Variants in SLC26A7 observed in about 807,000 individuals in gnomAD.
SLC26A7 encodes the protein anion exchange transporter.
A neutral mutation model predicts 82.5 loss-of-function variants in SLC26A7; 59 were observed. The ratio of observed to expected loss-of-function variants is 0.72; its 90% CI spans 0.58 to 0.89. The LOEUF is 0.89. Among genes scored for constraint, SLC26A7 ranks in the 40% least tolerant of loss-of-function variants. The probability of loss-of-function intolerance (pLI) is 0.00; values close to 1 mark genes in which losing one functional copy is unlikely to be tolerated. For missense variants in SLC26A7, 820 were observed against 793.0 expected (o/e 1.03, Z -0.41); for synonymous variants, 271 against 274.3 (o/e 0.99, Z 0.12).
chr8:91,229,192 A>G (rs1810280104), intron 2 of SLC26A7, among the ~76,000 whole-genome samples: 1 of 152,140 alleles, frequency 6.6e-6, no homozygotes, highest in African/African-American at 2.4e-5. Flanking sequence ...TCATTTCCCC[A>G]CAACCTTTAG....
intron 15 of SLC26A7, among the ~76,000 whole-genome samples, chr8:91,386,007 CTAG>C (rs1019073621): frequency 9.9e-5 from 15 of 152,118 alleles, no homozygotes; most frequent in African/African-American, 3.4e-4. Context: ...TTTTGATCAG[CTAG>C]TAGTGGCTTC....
intron 2 of SLC26A7, among the ~76,000 whole-genome samples, chr8:91,258,652 A>C (rs1450882765): frequency 6.6e-6 from 1 of 151,812 alleles, no homozygotes; most frequent in Non-Finnish European, 1.5e-5. Flanking sequence ...ATTAATCTTC[A>C]TAATGACCCT....
chr8:91,338,051 T>C, intron 6 of SLC26A7, 99 bp from the exon 7 acceptor site: 1 of 635,362 alleles, frequency 1.6e-6, no homozygotes, highest in Non-Finnish European at 2.5e-6. Context: ...TTGATGTTTA[T>C]GGGACATGAG....
chr8:91,309,627 A>G (rs891373223), intron 4 of SLC26A7, among the ~76,000 whole-genome samples: 1 of 152,216 alleles, frequency 6.6e-6, no homozygotes, highest in Admixed American at 6.5e-5. Context: ...ACTAAGGTGC[A>G]TAAGGCAGAA....
intron 1 of SLC26A7, 38 bp from the exon 2 acceptor site, chr8:91,249,495 ATCTCTC>A (rs374824026): frequency 1.6e-5 from 7 of 448,048 alleles, no homozygotes; most frequent in African/African-American, 6.2e-5. Context: ...GCTTCTGTTA[ATCTCTC>A]TCTCTCTCTC....
intron 2 of SLC26A7, among the ~76,000 whole-genome samples, chr8:91,282,578 G>A (rs1811602881): frequency 1.3e-5 from 2 of 152,114 alleles, no homozygotes; most frequent in Non-Finnish European, 2.9e-5. Context: ...TGTGATTGTG[G>A]CATCAACTTT....
At chr8:91,256,451 A>G (rs1180365006) in intron 2 of SLC26A7, among the ~76,000 whole-genome samples, 1 of 152,130 alleles carries the variant, frequency 6.6e-6, no homozygotes, top group Admixed American at 6.6e-5. Flanking sequence ...TAAAATGGTA[A>G]TGGCAATCTA....
chr8:91,340,988 C>T (rs1298806868), intron 8 of SLC26A7, among the ~76,000 whole-genome samples: 24 of 146,860 alleles, frequency 1.6e-4, no homozygotes, highest in Non-Finnish European at 3.3e-4. Context: ...TGTCCTGTTT[C>T]TTTTTTTTTT....
Position 91,340,394 on chromosome 8 carries a change from C to G in SLC26A7, c.879-10C>G. 1.2e-6 allele frequency: 2 copies of G among 1,613,030 alleles called. No homozygotes were observed. Among genetic ancestry groups the G allele is most frequent in the Non-Finnish European group, 1.7e-6 (2 of 1,179,340 alleles). On this transcript the variant is annotated splice_polypyrimidine_tract_variant and intron_variant, in intron 7 of 18. Coordinates refer to ENST00000276609, the MANE Select transcript of SLC26A7 (RefSeq NM_052832.4). Reference sequence around the variant, plus strand: ...GTTTGATGACTTCAATATGGTCCTTCTTTCCACAGAATTCCCTCACCTAGA... The same window carrying G: ...GTTTGATGACTTCAATATGGTCCTTGTTTCCACAGAATTCCCTCACCTAGA...
intron 15 of SLC26A7, among the ~76,000 whole-genome samples, chr8:91,371,303 G>A (rs1814352764): frequency 6.6e-6 from 1 of 151,558 alleles, no homozygotes; most frequent in South Asian, 2.1e-4. Context: ...TTATTTTATT[G>A]TAGATTCAGG....
intron 1 of SLC26A7, among the ~76,000 whole-genome samples, chr8:91,210,488 A>G (rs891234395): frequency 6.6e-6 from 1 of 152,020 alleles, no homozygotes; most frequent in Non-Finnish European, 1.5e-5. Flanking sequence ...GTAAGAAAAT[A>G]GAACCACTGA....
intron 15 of SLC26A7, among the ~76,000 whole-genome samples, chr8:91,376,960 C>T (rs1408428749): frequency 6.6e-6 from 1 of 152,088 alleles, no homozygotes; most frequent in African/African-American, 2.4e-5. Context: ...TGGCTGCAGA[C>T]TGTGGATGAA....
At chr8:91,277,321 C>T (rs1220268303) in intron 2 of SLC26A7, among the ~76,000 whole-genome samples, 5 of 152,218 alleles carry the variant, frequency 3.3e-5, no homozygotes, top group Non-Finnish European at 7.3e-5. Context: ...GTAATTCGTG[C>T]ATAAAACTGC....
chr8:91,352,007 A>G (rs1173140835), intron 10 of SLC26A7, 120 bp downstream of exon 10: 7 of 840,326 alleles, frequency 8.3e-6, no homozygotes, highest in Non-Finnish European at 1.3e-5. Flanking sequence ...ATGTTACAGA[A>G]GTAAAGTTTG....
chr8:91,328,909 A>T (rs534327255), intron 5 of SLC26A7, among the ~76,000 whole-genome samples: 1 of 152,268 alleles, frequency 6.6e-6, no homozygotes, highest in South Asian at 2.1e-4. Flanking sequence ...ATTTTATATC[A>T]TTATAATAAA....
intron 2 of SLC26A7, among the ~76,000 whole-genome samples, chr8:91,252,187 T>C (rs1810677522): frequency 6.6e-6 from 1 of 152,094 alleles, no homozygotes; most frequent in South Asian, 2.1e-4. Flanking sequence ...CATAGTTGAA[T>C]TATATAAAAT....
At chr8:91,345,916 G>A (rs1813549611) in intron 9 of SLC26A7, among the ~76,000 whole-genome samples, 1 of 152,014 alleles carries the variant, frequency 6.6e-6, no homozygotes, top group Admixed American at 6.6e-5. Context: ...TTAAATTTGG[G>A]ATTTTTTTTC....
intron 6 of SLC26A7, among the ~76,000 whole-genome samples, chr8:91,335,105 T>A (rs1335887125): frequency 2.0e-5 from 3 of 152,098 alleles, no homozygotes; most frequent in Non-Finnish European, 4.4e-5. Context: ...TCTTAACATA[T>A]AACCACAGTC....
At chr8:91,215,785 T>A (rs1320418061) in intron 1 of SLC26A7, among the ~76,000 whole-genome samples, 2 of 152,148 alleles carry the variant, frequency 1.3e-5, no homozygotes, top group African/African-American at 4.8e-5. Flanking sequence ...GACAAAATCA[T>A]GAGGTTTTGT....
Sources: gnomAD v4.1 joint callset for allele counts (sites outside exome capture counted in the v4.1 genomes callset) on GRCh38, gnomAD v4.1.1 for gene constraint, MANE v1.5 for transcripts, NCBI Gene and HGNC (gene_info 2026-07-23, HGNC 2026-07-21) for gene names.